Variants in DPP6 observed in about 807,000 individuals in gnomAD.
DPP6 encodes dipeptidyl peptidase like 6.
A neutral mutation model predicts 122.6 loss-of-function variants in DPP6; 69 were observed. The observed-to-expected ratio is 0.56, with a 90% confidence interval of 0.46 to 0.69. DPP6 has a LOEUF of 0.69. Ranked by LOEUF, DPP6 falls within the 30% of genes least tolerant of loss-of-function variation. The pLI is 0.00. For synonymous variants in DPP6, 418 were observed against 433.1 expected (o/e 0.97, Z 0.43); for missense variants, 928 against 1,116.9 (o/e 0.83, Z 2.41).
Position 154,678,096 on chromosome 7 carries a change from GCT to G in DPP6, c.762+8658_762+8659del, listed in dbSNP as rs1198644013. On this transcript the variant is annotated intron_variant, in intron 7 of 25. Coordinates refer to ENST00000377770, the MANE Select transcript of DPP6 (RefSeq NM_130797.4). ...ACTCTGTAAATACGCACCAATCAGT[GCT>G]CTGTGTCTAGCTAAAGGTTTGTAAA... Among the ~76,000 whole-genome samples, 5 of 152,248 alleles carry G rather than the reference GCT, an allele frequency of 3.3e-5. No individual in the cohort carries two copies. The East Asian group carries it at 9.7e-4, about 29-fold the overall frequency.
intron 4 of DPP6, among the ~76,000 whole-genome samples, chr7:154,556,599 A>G (rs1437487981): frequency 6.6e-6 from 1 of 152,220 alleles, no homozygotes; most frequent in Non-Finnish European, 1.5e-5. Context: ...TTGGTTTCAT[A>G]AAAAGAGAGA....
intron 8 of DPP6, among the ~76,000 whole-genome samples, chr7:154,764,582 G>C (rs1795786590): frequency 6.6e-6 from 1 of 152,054 alleles, no homozygotes; most frequent in African/African-American, 2.4e-5. Context: ...AGGGAGTGTG[G>C]GTGTTGGAGG....
chr7:154,385,657 G>A (rs1814043380), intron 1 of DPP6, among the ~76,000 whole-genome samples: 1 of 152,208 alleles, frequency 6.6e-6, no homozygotes, highest in Non-Finnish European at 1.5e-5. Context: ...TTCCAGCAAT[G>A]TACCTGCCCA....
At chr7:154,244,788 T>C (rs1801865535) in intron 1 of DPP6, among the ~76,000 whole-genome samples, 1 of 151,894 alleles carries the variant, frequency 6.6e-6, no homozygotes, top group East Asian at 1.9e-4. Context: ...ACAAGAGGAA[T>C]AGAGAAATAG....
chr7:154,641,927 A>G (rs762964257), intron 6 of DPP6, among the ~76,000 whole-genome samples: 5 of 152,138 alleles, frequency 3.3e-5, no homozygotes, highest in Non-Finnish European at 7.3e-5. Context: ...ACCTACTCGT[A>G]ATTTTCAGGC....
chr7:153,788,184 G>GA, the DPP6 span, among the ~76,000 whole-genome samples: 2 of 152,110 alleles, frequency 1.3e-5, no homozygotes, highest in South Asian at 2.1e-4. Context: ...ACTGGTTTGG[G>GA]AAAAAAAGAT....
chr7:154,435,379 T>C (rs1818777882), intron 1 of DPP6, among the ~76,000 whole-genome samples: 1 of 152,162 alleles, frequency 6.6e-6, no homozygotes, highest in Admixed American at 6.5e-5. Flanking sequence ...CCCACCAGTT[T>C]CACTAGTGGA....
chr7:154,362,718 C>G (rs889054469), intron 1 of DPP6, among the ~76,000 whole-genome samples: 3 of 152,076 alleles, frequency 2.0e-5, no homozygotes, highest in Admixed American at 6.5e-5. Context: ...AGCCACCATG[C>G]CTGGCCGCAA....
chr7:153,809,962 A>G, the DPP6 span, among the ~76,000 whole-genome samples: 1 of 152,242 alleles, frequency 6.6e-6, no homozygotes, highest in Admixed American at 6.5e-5. Context: ...TTTGTATCTT[A>G]GCAGAAGTCT....
the DPP6 span, among the ~76,000 whole-genome samples, chr7:153,814,201 A>G: frequency 6.6e-6 from 1 of 151,620 alleles, no homozygotes; most frequent in East Asian, 1.9e-4. Context: ...AAATTGATAG[A>G]CCACTAGCAA....
chr7:154,661,954 A>G (rs1475933857), intron 6 of DPP6, among the ~76,000 whole-genome samples: 2 of 148,462 alleles, frequency 1.3e-5, no homozygotes, highest in African/African-American at 5.0e-5. Context: ...TAGTGTTCAT[A>G]TAGTCATGGT....
chr7:154,593,030 G>A (rs1394102792), intron 5 of DPP6, among the ~76,000 whole-genome samples: 5 of 152,180 alleles, frequency 3.3e-5, no homozygotes, highest in Admixed American at 1.3e-4. Context: ...ACAAGCAGGA[G>A]GCTGGAATGG....
intron 1 of DPP6, among the ~76,000 whole-genome samples, chr7:154,391,903 T>G (rs906830589): frequency 2.6e-5 from 4 of 151,904 alleles, no homozygotes; most frequent in African/African-American, 9.7e-5. Context: ...ATGACAGTGG[T>G]CATACTAGTA....
At chr7:154,509,075 A>G (rs1384000221) in intron 3 of DPP6, among the ~76,000 whole-genome samples, 1 of 152,224 alleles carries the variant, frequency 6.6e-6, no homozygotes, top group Non-Finnish European at 1.5e-5. Flanking sequence ...TGGATTTGGC[A>G]AGATTCTTAG....
rs561067184 is a variant in DPP6 at position 154,837,981 on chromosome 7, A to AT, written c.1667-15792dup. On this transcript the variant is annotated intron_variant, in intron 16 of 25. Coordinates refer to ENST00000377770, the MANE Select transcript of DPP6 (RefSeq NM_130797.4). Reference sequence around the variant, plus strand: ...TTCACATTCCCCCAAGCGATCTTACATTTTTTTAAAAATTGTTCATTTAGT... The same window carrying AT: ...TTCACATTCCCCCAAGCGATCTTACATTTTTTTTAAAAATTGTTCATTTAGT... Among the ~76,000 whole-genome samples, 345 of 152,202 alleles carry AT rather than the reference A, an allele frequency of 2.3e-3. 1 individual carries two copies. The highest frequency in any genetic ancestry group is 8.1e-3 in the African/African-American group (335 of 41,522).
At chr7:154,876,237 C>T (rs1474165336) in intron 20 of DPP6, 137 bp downstream of exon 20, 57 of 1,309,344 alleles carry the variant, frequency 4.4e-5, no homozygotes, top group Non-Finnish European at 5.4e-5. Flanking sequence ...CCTAAAATCT[C>T]TTGGCCATTC....
At chr7:154,861,563 C>T (rs551149687) in intron 17 of DPP6, among the ~76,000 whole-genome samples, 1 of 152,232 alleles carries the variant, frequency 6.6e-6, no homozygotes, top group South Asian at 2.1e-4. Context: ...TTTTAAAGGT[C>T]TTTTCTTTTT....
chr7:154,376,047 C>G (rs1198351883), intron 1 of DPP6, among the ~76,000 whole-genome samples: 2 of 152,108 alleles, frequency 1.3e-5, no homozygotes, highest in Non-Finnish European at 2.9e-5. Context: ...GCCTGGGCCC[C>G]ACCAGCCTTC....
intron 1 of DPP6, among the ~76,000 whole-genome samples, chr7:154,399,286 A>G (rs1363719573): frequency 6.6e-6 from 1 of 152,166 alleles, no homozygotes; most frequent in Non-Finnish European, 1.5e-5. Flanking sequence ...ATTTCGTTTA[A>G]ACAGAGTCTT....
Sources: allele counts gnomAD v4.1 joint callset (sites outside exome capture counted in the v4.1 genomes callset), GRCh38; gene constraint gnomAD v4.1.1; transcripts MANE v1.5; gene names NCBI Gene and HGNC (gene_info 2026-07-23, HGNC 2026-07-21).